Variants in MYH13 observed in about 807,000 individuals in gnomAD.
MYH13 encodes myosin-13.
A neutral mutation model predicts 232.1 loss-of-function variants in MYH13; 177 were observed. That is an observed-to-expected ratio of 0.76 (90% CI 0.67 to 0.86). MYH13 has a LOEUF of 0.86. Ranked by LOEUF, MYH13 falls within the 40% of genes least tolerant of loss-of-function variation. The pLI is 0.00. For missense variants in MYH13, 2,246 were observed against 2,405.9 expected, an observed-to-expected ratio of 0.93 and a Z score of 1.39; for synonymous variants, 884 against 923.5, an observed-to-expected ratio of 0.96 and a Z score of 0.78.
intron 11 of MYH13, among the ~76,000 whole-genome samples, chr17:10,351,219 T>TGAAAAAAAAAAAAAAAAA (rs2071708135): frequency 4.9e-5 from 1 of 20,204 alleles, no homozygotes; most frequent in Non-Finnish European, 1.6e-4. Context: ...AGACTCCATC[T>TGAAAAAAAAAAAAAAAAA]CAAAAAAAAA....
intron 35 of MYH13, among the ~76,000 whole-genome samples, chr17:10,308,327 CAAA>C (rs35385439): frequency 6.5e-5 from 8 of 123,790 alleles, no homozygotes; most frequent in Non-Finnish European, 8.4e-5. Flanking sequence ...TGCTCTGTCT[CAAA>C]AAAAAAAAAA....
At chr17:10,326,534 G>A (rs9890494) in intron 22 of MYH13, among the ~76,000 whole-genome samples, 2 of 151,252 alleles carry the variant, frequency 1.3e-5, no homozygotes, top group African/African-American at 2.4e-5. Flanking sequence ...GCAGTGGCAC[G>A]ATCTCGGCTC....
chr17:10,371,971 T>C (rs1248703841), intron 1 of MYH13, among the ~76,000 whole-genome samples: 1 of 152,128 alleles, frequency 6.6e-6, no homozygotes, highest in African/African-American at 2.4e-5. Context: ...CAATATCAAA[T>C]GTAATCTAAG....
In MYH13 at chr17:10,310,200, C is replaced by T. The variant is rs538810972; in HGVS notation, c.4657-370G>A. ...CCACCCCCTGGGTTCAAGCGATTCTCCTGCCTCAGCCTCCCGAGTAGTTGG... is the reference window on the plus strand; with the variant it reads ...CCACCCCCTGGGTTCAAGCGATTCTTCTGCCTCAGCCTCCCGAGTAGTTGG... On this transcript the variant is annotated intron_variant, in intron 33 of 40. Transcript: ENST00000252172. Among the ~76,000 whole-genome samples the T allele has an allele frequency of 2.8e-4, 43 of 151,540 alleles. No homozygotes were observed. In the Middle Eastern group the frequency reaches 0.024, roughly 86 times the overall value.
rs1054095268 is a variant in MYH13 at position 10,345,283 on chromosome 17, T to C, written c.1503A>G (p.Glu501=). 13 of 1,614,108 alleles carry C rather than the reference T, an allele frequency of 8.1e-6. No individual in the cohort carries two copies. The highest frequency in any genetic ancestry group is 2.2e-5 in the East Asian group (1 of 44,898). Residue 501 remains glutamate (E), a synonymous_variant, in exon 15 of 41, where the codon GAA becomes GAG. Coordinates refer to ENST00000252172, the MANE Select transcript of MYH13 (RefSeq NM_003802.3). The part of the protein sequence containing the change: ...FNHHMFVLEQ[E]EYKKEGIEWE... The stretch of plus-strand genomic sequence containing the variant: ...ACTCGATGCCTTCCTTCTTGTACTC[T>C]TCCTGCTCCAGCACGAACATGTGGT...
At chr17:10,349,036 C>CTCCCT (rs896566245) in intron 12 of MYH13, among the ~76,000 whole-genome samples, 4 of 150,392 alleles carry the variant, frequency 2.7e-5, no homozygotes, top group East Asian at 2.0e-4. Context: ...TCCCTTCCTT[C>CTCCCT]TCCCTTCCCT....
At chr17:10,342,816 CA>C (rs749378783) in intron 16 of MYH13, among the ~76,000 whole-genome samples, 2 of 151,858 alleles carry the variant, frequency 1.3e-5, no homozygotes, top group Non-Finnish European at 2.9e-5. Context: ...TGGGGACAGG[CA>C]TGATGGCTCG....
intron 29 of MYH13, among the ~76,000 whole-genome samples, chr17:10,315,417 G>T (rs983551250): frequency 1.6e-4 from 25 of 152,154 alleles, no homozygotes; most frequent in Admixed American, 5.2e-4. Flanking sequence ...TCAGCCTCCC[G>T]AGTAGCTGGG....
Position 10,366,322 on chromosome 17 carries a change from T to TAC in MYH13, c.-12-1782_-12-1781dup, listed in dbSNP as rs368988856. ...ACTGACATAAAATGGAGTCAAGTCA[T>TAC]ACACACACACACGCACACCCACACA... On this transcript the variant is annotated intron_variant, in intron 2 of 40. Transcript: ENST00000252172. 5.7e-3 allele frequency among the ~76,000 whole-genome samples: 858 copies of TAC among 150,586 alleles called. 4 individuals carry two copies. The highest frequency in any genetic ancestry group is 0.02 in the African/African-American group (805 of 41,012).
rs1425217584 is a variant in MYH13 at position 10,301,711 on chromosome 17, G to A, written c.5668-8C>T. The A allele has an allele frequency of 6.2e-7, 1 of 1,612,616 alleles. No homozygotes were observed. The highest frequency in any genetic ancestry group is 2.2e-5 in the East Asian group (1 of 44,884). ...CGTGTTGGCCTGCTCCTCCTGCACA[G>A]GAGACAGAGGGGGTATGACGCTGTA... On this transcript the variant is annotated splice_region_variant and splice_polypyrimidine_tract_variant and intron_variant, in intron 39 of 40. Coordinates refer to ENST00000252172, the MANE Select transcript of MYH13 (RefSeq NM_003802.3).
At position 10,315,831 on chromosome 17, in the gene MYH13, C is replaced by T. The variant is rs755024238; in HGVS notation, c.3866-20G>A. Reference sequence around the variant, plus strand: ...GCTCCCCTACCAAACAGATGTGGCCCCCACGTCAGTGTTACTGACCACCCT... The same window carrying T: ...GCTCCCCTACCAAACAGATGTGGCCTCCACGTCAGTGTTACTGACCACCCT... On this transcript the variant is annotated intron_variant, in intron 28 of 40. Coordinates refer to ENST00000252172, the MANE Select transcript of MYH13 (RefSeq NM_003802.3). 1.2e-6 allele frequency: 2 copies of T among 1,613,822 alleles called. No homozygotes were observed. The highest frequency in any genetic ancestry group is 2.7e-5 in the African/African-American group (2 of 74,902).
At chr17:10,341,415 GAGTA>G (rs2071618878) in intron 16 of MYH13, 1 of 152,160 alleles carries the variant, frequency 6.6e-6, no homozygotes, top group African/African-American at 2.4e-5. Context: ...TATCTCTAAA[GAGTA>G]AGTAACTGAA....
rs188020778 is a variant in MYH13 at position 10,340,205 on chromosome 17, C to T, written c.2001G>A (p.Arg667=). The change falls in exon 18 of 41, where the codon AGG becomes AGA. Residue 667 remains arginine, a synonymous_variant. Coordinates refer to ENST00000252172, the MANE Select transcript of MYH13 (RefSeq NM_003802.3). ...ATCGTACAAAGTGAGGGTGGGTGCT[C>T]CTTAAGTTAGTCATCAATTTGTTTA... The part of the protein sequence containing the change: ...ENLNKLMTNL[R]STHPHFVRCL... 6.2e-7 allele frequency: 1 copy of T among 1,613,970 alleles called. No homozygotes were observed. Among genetic ancestry groups the T allele is most frequent in the Admixed American group, 1.7e-5 (1 of 60,004 alleles).
chr17:10,306,542 T>A lies in MYH13; in HGVS notation c.5383A>T (p.Lys1795Ter). The change falls in exon 37 of 41, where the codon AAG becomes TAG. Residue 1795 changes from lysine (K) to a stop codon, truncating the protein, a stop_gained. Coordinates refer to ENST00000252172, the MANE Select transcript of MYH13 (RefSeq NM_003802.3). LOFTEE classifies it high-confidence loss of function. This position sits in a 1 kb window ranked among gnomAD's most constrained non-coding sequence, Gnocchi z 4.3. ...RMKKNLEQTVKDLQHRLDEAE... is the reference protein window; with the variant it reads ...RMKKNLEQTV ...TCATCTAGACGGTGCTGCAGGTCCT[T>A]CACCGTCTGCTCCAGGTTCTTCTTC... The A allele has an allele frequency of 6.2e-7, 1 of 1,614,104 alleles. No homozygotes were observed. Among genetic ancestry groups the A allele is most frequent in the Non-Finnish European group, 8.5e-7 (1 of 1,180,014 alleles).
intron 12 of MYH13, among the ~76,000 whole-genome samples, chr17:10,349,949 G>A (rs1294118042): frequency 6.6e-6 from 1 of 152,226 alleles, no homozygotes; most frequent in African/African-American, 2.4e-5. Context: ...GAGCTAAGAA[G>A]TCTAATGAGC....
rs78675259 is a variant in MYH13 at position 10,342,557 on chromosome 17, C to T, written c.1894+1243G>A. On this transcript the variant is annotated intron_variant, in intron 16 of 40. Transcript: ENST00000252172. ...CATGCACAGTAGCCAGAAAGTTCAT[C>T]GGCTGATGAATGTGCAGACAAAATG... Among the ~76,000 whole-genome samples the T allele has an allele frequency of 4.5e-3, 681 of 152,224 alleles. 11 individuals carry two copies. The highest frequency in any genetic ancestry group is 0.044 in the East Asian group (227 of 5,178).
intron 18 of MYH13, 136 bp downstream of exon 18, chr17:10,340,014 G>T: frequency 1.4e-6 from 1 of 708,622 alleles, no homozygotes; most frequent in Non-Finnish European, 2.3e-6. Flanking sequence ...GCTAAATCTG[G>T]CAACCCTATT....
chr17:10,362,139 C>T lies in MYH13; in HGVS notation c.484G>A (p.Ala162Thr), dbSNP rs1420723075. The change falls in exon 5 of 41, where the codon GCC (alanine) becomes ACC (threonine). Residue 162 changes from alanine to threonine, a missense_variant. Ala to Thr is a moderately conservative substitution (Grantham distance 58). Transcript: ENST00000252172. ...PPHIFSISDNAYQFMLTDRDN... is the reference protein window; with the variant it reads ...PPHIFSISDNTYQFMLTDRDN... The stretch of plus-strand genomic sequence containing the variant: ...TCACCAGTCAGCATGAACTGATAGG[C>T]ATTGTCAGAGATGGAGAAGATGTGG... 5.0e-6 allele frequency: 8 copies of T among 1,613,822 alleles called. No homozygotes were observed. In the Admixed American group the frequency reaches 6.7e-5, roughly 13 times the overall value.
At chr17:10,356,052 G>A (rs1050634382) in intron 8 of MYH13, among the ~76,000 whole-genome samples, 11 of 151,912 alleles carry the variant, frequency 7.2e-5, no homozygotes, top group African/African-American at 2.2e-4. Flanking sequence ...TTTCATATGC[G>A]TGTTTGTGTG....
Sources: gnomAD v4.1 joint callset for allele counts (sites outside exome capture counted in the v4.1 genomes callset) on GRCh38, gnomAD v4.1.1 for gene constraint, Gnocchi (gnomAD v3.1) non-coding constraint, MANE v1.5 for transcripts, NCBI Gene and HGNC (gene_info 2026-07-23, HGNC 2026-07-21) for gene names.